PRKCB: variants seen among roughly 807,000 people sequenced by gnomAD.
PRKCB encodes protein kinase C beta type.
In PRKCB, 13 loss-of-function variants were observed where a neutral mutation model predicts 81.5. The ratio of observed to expected loss-of-function variants is 0.16; its 90% CI spans 0.10 to 0.25. The LOEUF is 0.25. Ranked by LOEUF, PRKCB falls within the 10% of genes least tolerant of loss-of-function variation. The probability of loss-of-function intolerance (pLI) is 1.00; values close to 1 mark genes in which losing one functional copy is unlikely to be tolerated. For missense variants in PRKCB, 509 were observed against 875.7 expected, an observed-to-expected ratio of 0.58 and a Z score of 5.29; for synonymous variants, 335 against 321.4, an observed-to-expected ratio of 1.04 and a Z score of -0.45.
At chr16:23,993,320 T>G (rs1415829976) in intron 3 of PRKCB, among the ~76,000 whole-genome samples, 1 of 152,190 alleles carries the variant, frequency 6.6e-6, no homozygotes, top group Non-Finnish European at 1.5e-5. Context: ...GAATGTAATG[T>G]TCCAGCTTAA....
At chr16:24,045,486 G>A (rs189571682) in intron 5 of PRKCB, among the ~76,000 whole-genome samples, 131 of 152,302 alleles carry the variant, frequency 8.6e-4, no homozygotes, top group Admixed American at 1.5e-3. Flanking sequence ...CGCCTGGCAG[G>A]TCTACGCTAA....
chr16:23,906,631 A>G (rs1409015071), intron 2 of PRKCB, among the ~76,000 whole-genome samples: 1 of 151,828 alleles, frequency 6.6e-6, no homozygotes, highest in African/African-American at 2.4e-5. Flanking sequence ...TTCTTTTACT[A>G]CTTTAACTTC....
chr16:23,857,935 A>G (rs1962599295), intron 2 of PRKCB, among the ~76,000 whole-genome samples: 1 of 152,212 alleles, frequency 6.6e-6, no homozygotes. Flanking sequence ...TCCTCACAAC[A>G]GCCCTGTGTG....
chr16:24,071,908 T>C (rs1269637083), intron 5 of PRKCB, among the ~76,000 whole-genome samples: 1 of 150,912 alleles, frequency 6.6e-6, no homozygotes, highest in Non-Finnish European at 1.5e-5. Flanking sequence ...TCTGGAGGGG[T>C]CGTCGGCATC....
intron 3 of PRKCB, among the ~76,000 whole-genome samples, chr16:23,993,752 C>T (rs371452348): frequency 7.2e-5 from 11 of 152,110 alleles, no homozygotes; most frequent in African/African-American, 1.4e-4. Context: ...AAGGTAGGTG[C>T]GGTTACCTTA....
chr16:23,979,237 T>C (rs1245946317), intron 2 of PRKCB, among the ~76,000 whole-genome samples: 1 of 152,158 alleles, frequency 6.6e-6, no homozygotes, highest in Non-Finnish European at 1.5e-5. Flanking sequence ...ACACAGCTAA[T>C]CAACAGTGGC....
intron 2 of PRKCB, among the ~76,000 whole-genome samples, chr16:23,928,158 T>G (rs960690832): frequency 2.0e-5 from 3 of 152,058 alleles, no homozygotes; most frequent in Non-Finnish European, 4.4e-5. Context: ...GGTGTTTCAC[T>G]CTTGTTGCCC....
intron 2 of PRKCB, among the ~76,000 whole-genome samples, chr16:23,846,156 A>T (rs1962363222): frequency 6.6e-6 from 1 of 152,208 alleles, no homozygotes; most frequent in Non-Finnish European, 1.5e-5. Flanking sequence ...TAGAGAAAGG[A>T]CTTTTGTCAA....
chr16:23,994,290 T>C (rs565851503), intron 3 of PRKCB, among the ~76,000 whole-genome samples: 1 of 152,208 alleles, frequency 6.6e-6, no homozygotes, highest in African/African-American at 2.4e-5. Context: ...TGTCTTACAG[T>C]GGATCCAGTG....
chr16:23,995,844 G>C (rs893514296), intron 3 of PRKCB, among the ~76,000 whole-genome samples: 1 of 152,210 alleles, frequency 6.6e-6, no homozygotes, highest in Admixed American at 6.5e-5. Context: ...AGGAAGAGCA[G>C]ACTAGGACCC....
At chr16:23,978,807 G>C (rs1964657656) in intron 2 of PRKCB, among the ~76,000 whole-genome samples, 1 of 152,188 alleles carries the variant, frequency 6.6e-6, no homozygotes, top group Admixed American at 6.5e-5. Flanking sequence ...GTTGTCTCCA[G>C]ACGCATGTGG....
chr16:24,113,992 AG>A (rs1342340625), intron 8 of PRKCB, among the ~76,000 whole-genome samples: 1 of 151,842 alleles, frequency 6.6e-6, no homozygotes, highest in African/African-American at 2.4e-5. Context: ...TGAAGCAGGC[AG>A]ATCACTTGAA....
At position 24,219,966 on chromosome 16, in the gene PRKCB, C is replaced by T. The variant is rs1247293033; in HGVS notation, c.*5150C>T. On this transcript the variant is annotated 3_prime_UTR_variant, in exon 17 of 17. Coordinates refer to ENST00000643927, the MANE Select transcript of PRKCB (RefSeq NM_002738.7). The stretch of plus-strand genomic sequence containing the variant: ...GTTTACTTTCCATTTGGCAGAGAGA[C>T]AAGAGAGACACCTCCAACTTCGACA... The T allele has an allele frequency of 6.2e-7, 1 of 1,613,984 alleles. No homozygotes were observed. Among genetic ancestry groups the T allele is most frequent in the Non-Finnish European group, 8.5e-7 (1 of 1,179,952 alleles).
At chr16:24,047,956 A>T (rs1460097548) in intron 5 of PRKCB, among the ~76,000 whole-genome samples, 2 of 152,182 alleles carry the variant, frequency 1.3e-5, no homozygotes, top group African/African-American at 4.8e-5. Context: ...GAGAGGCATA[A>T]GTTAGAAGGG....
intron 3 of PRKCB, among the ~76,000 whole-genome samples, chr16:24,017,265 G>C (rs984349604): frequency 6.6e-5 from 10 of 152,186 alleles, no homozygotes; most frequent in African/African-American, 2.4e-4. Context: ...TTTCAAATCA[G>C]CAGGGAAAAG....
chr16:23,844,390 A>G (rs1381723495), intron 2 of PRKCB, among the ~76,000 whole-genome samples: 1 of 152,184 alleles, frequency 6.6e-6, no homozygotes, highest in Non-Finnish European at 1.5e-5. Flanking sequence ...CACCACATAC[A>G]TTCATTTATT....
intron 2 of PRKCB, among the ~76,000 whole-genome samples, chr16:23,863,493 T>C (rs546761823): frequency 1.8e-4 from 27 of 152,310 alleles, no homozygotes; most frequent in Non-Finnish European, 2.5e-4. Context: ...TGTAATACAA[T>C]GTCACAGAGC....
chr16:23,912,549 G>A (rs2141734874), intron 2 of PRKCB, among the ~76,000 whole-genome samples: 1 of 99,434 alleles, frequency 1.0e-5, no homozygotes, highest in Middle Eastern at 0.016. Context: ...GTCTCTCTCT[G>A]TTGCCCAGGC....
intron 2 of PRKCB, among the ~76,000 whole-genome samples, chr16:23,896,681 G>C (rs1027081827): frequency 3.5e-4 from 53 of 152,298 alleles, no homozygotes; most frequent in African/African-American, 1.2e-3. Context: ...CAGGCAGAAG[G>C]ACTAGCATAT....
Sources: allele counts gnomAD v4.1 joint callset (sites outside exome capture counted in the v4.1 genomes callset), GRCh38; gene constraint gnomAD v4.1.1; transcripts MANE v1.5; gene names NCBI Gene and HGNC (gene_info 2026-07-23, HGNC 2026-07-21).